The following ZNF536 variants were observed in gnomAD, a reference collection of about 807,000 sequenced individuals.
The protein encoded by ZNF536 is zinc finger protein 536.
ZNF536 carries 13 observed loss-of-function variants against 84.5 expected under a neutral mutation model. The ratio of observed to expected loss-of-function variants is 0.15; its 90% CI spans 0.10 to 0.24. ZNF536 has a LOEUF of 0.24. Ranked by LOEUF, ZNF536 falls within the 10% of genes least tolerant of loss-of-function variation. ZNF536 has a pLI of 1.00. For synonymous variants in ZNF536, 811 were observed against 742.5 expected, an observed-to-expected ratio of 1.09 and a Z score of -1.50; for missense variants, 1,536 against 1,747.5, an observed-to-expected ratio of 0.88 and a Z score of 2.16.
At chr19:30,390,871 TG>T (rs935905047) in intron 1 of ZNF536, among the ~76,000 whole-genome samples, 4 of 152,194 alleles carry the variant, frequency 2.6e-5, no homozygotes, top group African/African-American at 9.7e-5. Flanking sequence ...CCTGGGACCT[TG>T]GGAGCATCTA....
intron 2 of ZNF536, among the ~76,000 whole-genome samples, chr19:30,482,892 A>T (rs2054146012): frequency 6.6e-6 from 1 of 152,080 alleles, no homozygotes; most frequent in African/African-American, 2.4e-5. Context: ...AGCTTCTAGT[A>T]TCAGCATCTC....
intron 2 of ZNF536, among the ~76,000 whole-genome samples, chr19:30,326,791 C>CG (rs1206621206): frequency 1.9e-5 from 1 of 51,958 alleles, no homozygotes; most frequent in African/African-American, 7.8e-5. Context: ...TTATAAAAAG[C>CG]TTTTTTTTTT....
chr19:30,384,092 C>CTCTTTCTTTCTCTCTCTTTCTTTCTT (rs5827707), intron 1 of ZNF536, among the ~76,000 whole-genome samples: 2 of 97,806 alleles, frequency 2.0e-5, no homozygotes, highest in Admixed American at 2.3e-4. Context: ...TTCTGCCCAC[C>CTCTTTCTTTCTCTCTCTTTCTTTCTT]TCTTTCTCTT....
At chr19:30,403,265 C>T (rs957599929) in intron 1 of ZNF536, among the ~76,000 whole-genome samples, 3 of 152,178 alleles carry the variant, frequency 2.0e-5, no homozygotes, top group African/African-American at 7.2e-5. Context: ...CATTCTCCCA[C>T]ATTACAATAT....
At chr19:30,700,268 CTT>C (rs1485931338) in intron 1 of ZNF536, among the ~76,000 whole-genome samples, 188 of 123,674 alleles carry the variant, frequency 1.5e-3, no homozygotes, top group African/African-American at 5.5e-3. Context: ...CTTTCTTTCT[CTT>C]TGTGTCTTTC....
intron 1 of ZNF536, among the ~76,000 whole-genome samples, chr19:30,412,211 T>A (rs1056582852): frequency 6.6e-6 from 1 of 152,038 alleles, no homozygotes; most frequent in Non-Finnish European, 1.5e-5. Context: ...TGTAAATAAT[T>A]ACAACTCATA....
chr19:30,600,213 C>T (rs1450442086), intron 1 of ZNF536, among the ~76,000 whole-genome samples: 1 of 152,264 alleles, frequency 6.6e-6, no homozygotes, highest in East Asian at 1.9e-4. Flanking sequence ...CTGCCTTAGC[C>T]TCCCTAGTAG....
At chr19:30,488,294 G>A (rs1402659234) in intron 2 of ZNF536, among the ~76,000 whole-genome samples, 2 of 151,984 alleles carry the variant, frequency 1.3e-5, no homozygotes, top group South Asian at 2.1e-4. Flanking sequence ...TTCAATGTCA[G>A]TGGCCCTCTA....
chr19:30,339,926 G>A (rs2047510599), intron 2 of ZNF536, among the ~76,000 whole-genome samples: 1 of 152,104 alleles, frequency 6.6e-6, no homozygotes, highest in Non-Finnish European at 1.5e-5. Context: ...CCTCTGGCCT[G>A]GGGGTATCCT....
chr19:30,341,619 A>C (rs998839598), intron 2 of ZNF536, among the ~76,000 whole-genome samples: 1 of 152,138 alleles, frequency 6.6e-6, no homozygotes, highest in Admixed American at 6.5e-5. Context: ...AACCCAGGGC[A>C]GCCCCCCTCA....
intron 1 of ZNF536, among the ~76,000 whole-genome samples, chr19:30,600,466 T>C (rs975795971): frequency 6.6e-6 from 1 of 152,182 alleles, no homozygotes; most frequent in Admixed American, 6.5e-5. Context: ...AGGCCAGAGC[T>C]AAGGAGACAG....
rs540946871 is a variant in ZNF536 at position 30,620,146 on chromosome 19, G to A, written c.169+70632G>A. ...GCTGACACTCAGCCAGACTCTTAAG[G>A]TACAATAGGGAGTGGTGGGGACTGT... On this transcript the variant is annotated intron_variant, in intron 1 of 1. Coordinates refer to the ZNF536 transcript ENST00000592773. 9.2e-5 allele frequency among the ~76,000 whole-genome samples: 14 copies of A among 151,906 alleles called. No homozygotes were observed. In the East Asian group the frequency reaches 2.3e-3, roughly 25 times the overall value.
intron 2 of ZNF536, among the ~76,000 whole-genome samples, chr19:30,316,120 G>C (rs1251052150): frequency 6.6e-6 from 1 of 152,180 alleles, no homozygotes; most frequent in African/African-American, 2.4e-5. Flanking sequence ...GGGTATTTCT[G>C]TAGGATAGAT....
chr19:30,709,313 C>A (rs1377069250), intron 1 of ZNF536, among the ~76,000 whole-genome samples: 1 of 152,128 alleles, frequency 6.6e-6, no homozygotes, highest in Admixed American at 6.6e-5. Context: ...TCTCCTGGTC[C>A]CGACAACTTT....
intron 1 of ZNF536, among the ~76,000 whole-genome samples, chr19:30,709,910 T>C (rs2052395136): frequency 6.6e-6 from 1 of 152,174 alleles, no homozygotes; most frequent in African/African-American, 2.4e-5. Flanking sequence ...AGCCACTGTG[T>C]CCAGCAATTG....
intron 3 of ZNF536, among the ~76,000 whole-genome samples, chr19:30,357,531 A>C (rs891988401): frequency 6.6e-6 from 1 of 151,846 alleles, no homozygotes; most frequent in African/African-American, 2.4e-5. Context: ...CCTAGGTGCC[A>C]GGAATGAGTG....
chr19:30,507,275 C>T (rs966731047), intron 2 of ZNF536, among the ~76,000 whole-genome samples: 18 of 151,770 alleles, frequency 1.2e-4, no homozygotes, highest in Admixed American at 1.1e-3. Context: ...GGCCTGAACC[C>T]GGATGGCAGA....
chr19:30,491,139 G>A (rs552446634), intron 2 of ZNF536, among the ~76,000 whole-genome samples: 1 of 152,124 alleles, frequency 6.6e-6, no homozygotes, highest in Admixed American at 6.5e-5. Flanking sequence ...AAAACAAACG[G>A]CAAGTCCTAT....
intron 2 of ZNF536, among the ~76,000 whole-genome samples, chr19:30,468,728 G>A (rs780334898): frequency 2.6e-5 from 4 of 152,204 alleles, no homozygotes; most frequent in East Asian, 1.9e-4. Context: ...AGCAAATGTC[G>A]TGAGTGCAGA....
Sources: allele counts gnomAD v4.1 joint callset (sites outside exome capture counted in the v4.1 genomes callset), GRCh38; gene constraint gnomAD v4.1.1; transcripts MANE v1.5; gene names NCBI Gene and HGNC (gene_info 2026-07-23, HGNC 2026-07-21).